ARHGAP15: variants seen among roughly 807,000 people sequenced by gnomAD.
ARHGAP15 encodes the protein rho GTPase-activating protein 15.
A neutral mutation model predicts 63.7 loss-of-function variants in ARHGAP15; 51 were observed. The ratio of observed to expected loss-of-function variants is 0.80; its 90% CI spans 0.64 to 1.01. ARHGAP15 has a LOEUF of 1.01. ARHGAP15 is among the 50% of genes least tolerant of loss of function. The pLI, the probability that ARHGAP15 is intolerant of heterozygous loss-of-function variation, is 0.00. For missense variants in ARHGAP15, 560 were observed against 564.6 expected, an observed-to-expected ratio of 0.99 and a Z score of 0.08; for synonymous variants, 191 against 193.8, an observed-to-expected ratio of 0.99 and a Z score of 0.12.
intron 12 of ARHGAP15, among the ~76,000 whole-genome samples, chr2:143,702,203 G>A (rs924129539): frequency 2.0e-5 from 3 of 152,186 alleles, no homozygotes; most frequent in African/African-American, 7.2e-5. Context: ...AGTGCATGAG[G>A]TGTTTAAGTT....
intron 6 of ARHGAP15, among the ~76,000 whole-genome samples, chr2:143,308,653 T>TTCCCCA (rs1574249475): frequency 3.3e-5 from 5 of 152,188 alleles, no homozygotes; most frequent in East Asian, 3.9e-4. Flanking sequence ...TGTCATGAAA[T>TTCCCCA]GCTGGGGAAT....
intron 11 of ARHGAP15, among the ~76,000 whole-genome samples, chr2:143,594,311 A>G (rs914508733): frequency 1.3e-5 from 2 of 152,204 alleles, no homozygotes; most frequent in African/African-American, 2.4e-5. Flanking sequence ...GTCAGGTGCA[A>G]TGGGGACATT....
At position 143,659,513 on chromosome 2, in the gene ARHGAP15, T is replaced by C. The variant is rs184006075; in HGVS notation, c.1138+35246T>C. 2.2e-3 allele frequency among the ~76,000 whole-genome samples: 339 copies of C among 152,338 alleles called. 2 individuals are homozygous for C. Among genetic ancestry groups the C allele is most frequent in the Non-Finnish European group, 3.0e-3 (204 of 68,030 alleles). Reference sequence around the variant, plus strand: ...CTTTCATGCCCTGGCTGGGTAGTGATTTCCTGGGTCAGCCAGTCTGATAGC... The same window carrying C: ...CTTTCATGCCCTGGCTGGGTAGTGACTTCCTGGGTCAGCCAGTCTGATAGC... On this transcript the variant is annotated intron_variant, in intron 12 of 13. Coordinates refer to ENST00000295095, the MANE Select transcript of ARHGAP15 (RefSeq NM_018460.4).
At chr2:143,461,306 A>AAAAAAAAAT (rs397986108) in intron 8 of ARHGAP15, among the ~76,000 whole-genome samples, 1 of 149,388 alleles carries the variant, frequency 6.7e-6, no homozygotes, top group Admixed American at 6.7e-5. Flanking sequence ...AAAAAAAAAA[A>AAAAAAAAAT]CAGAACTCAA....
intron 6 of ARHGAP15, among the ~76,000 whole-genome samples, chr2:143,416,713 C>A (rs888839961): frequency 9.9e-5 from 15 of 152,080 alleles, no homozygotes; most frequent in African/African-American, 3.4e-4. Flanking sequence ...ATTGTTCTCA[C>A]GGGCACAGCA....
At chr2:143,757,441 G>A (rs548149601) in intron 13 of ARHGAP15, among the ~76,000 whole-genome samples, 7 of 152,228 alleles carry the variant, frequency 4.6e-5, no homozygotes, top group African/African-American at 1.4e-4. Context: ...AACTTGGCAG[G>A]TGGAGATTTC....
chr2:143,705,317 C>T (rs999688027), intron 13 of ARHGAP15, among the ~76,000 whole-genome samples: 11 of 152,188 alleles, frequency 7.2e-5, no homozygotes, highest in South Asian at 2.1e-4. Context: ...ATACTGGCTA[C>T]GGTGAGAAAT....
chr2:143,542,198 G>A (rs1422482967), intron 10 of ARHGAP15, among the ~76,000 whole-genome samples: 2 of 152,198 alleles, frequency 1.3e-5, no homozygotes, highest in Admixed American at 6.5e-5. Flanking sequence ...ATAATCTGCT[G>A]GTGTGTCGTT....
At chr2:143,720,935 G>A (rs1464646765) in intron 13 of ARHGAP15, among the ~76,000 whole-genome samples, 2 of 151,944 alleles carry the variant, frequency 1.3e-5, no homozygotes, top group East Asian at 3.9e-4. Flanking sequence ...CAGGCGTGGT[G>A]GCGGGCGCCT....
chr2:143,238,111 A>G (rs1008983562), intron 5 of ARHGAP15: 2 of 152,174 alleles, frequency 1.3e-5, no homozygotes, highest in African/African-American at 4.8e-5. Flanking sequence ...AATCTAGGCA[A>G]TACCATTCAG....
At chr2:143,198,123 C>T (rs139102678) in intron 2 of ARHGAP15, among the ~76,000 whole-genome samples, 6 of 151,892 alleles carry the variant, frequency 4.0e-5, no homozygotes, top group East Asian at 3.9e-4. Flanking sequence ...GTTTACACTT[C>T]GATACTTATA....
intron 8 of ARHGAP15, among the ~76,000 whole-genome samples, chr2:143,448,802 CAACTG>C (rs1431171370): frequency 2.0e-5 from 3 of 151,822 alleles, no homozygotes; most frequent in Non-Finnish European, 4.4e-5. Context: ...AACCCCAAAC[CAACTG>C]AACTGAATCT....
chr2:143,445,932 G>T (rs1690116907), intron 8 of ARHGAP15, among the ~76,000 whole-genome samples: 1 of 151,902 alleles, frequency 6.6e-6, no homozygotes, highest in Non-Finnish European at 1.5e-5. Flanking sequence ...TTTCTCTAGT[G>T]TCAGCTTATT....
chr2:143,436,655 A>G (rs559884243), intron 7 of ARHGAP15, among the ~76,000 whole-genome samples: 2 of 152,330 alleles, frequency 1.3e-5, no homozygotes, highest in South Asian at 4.1e-4. Flanking sequence ...AATAAGGATA[A>G]TAATAATACC....
At chr2:143,189,170 A>G (rs1249149551) in intron 2 of ARHGAP15, among the ~76,000 whole-genome samples, 1 of 152,188 alleles carries the variant, frequency 6.6e-6, no homozygotes, top group South Asian at 2.1e-4. Context: ...AGTCAGTTTT[A>G]GAAGAGTCCA....
chr2:143,558,582 G>A (rs899961775), intron 11 of ARHGAP15, among the ~76,000 whole-genome samples: 4 of 152,146 alleles, frequency 2.6e-5, no homozygotes, highest in Admixed American at 1.3e-4. Context: ...TAGGATACTG[G>A]CTGAAATGTC....
At chr2:143,499,229 G>A (rs1559011647) in intron 9 of ARHGAP15, among the ~76,000 whole-genome samples, 1 of 152,210 alleles carries the variant, frequency 6.6e-6, no homozygotes, top group African/African-American at 2.4e-5. Flanking sequence ...TGTGTTTGAT[G>A]TATGGTTTAC....
chr2:143,178,227 ACT>A (rs1284857373), intron 2 of ARHGAP15, among the ~76,000 whole-genome samples: 3 of 152,126 alleles, frequency 2.0e-5, no homozygotes, highest in African/African-American at 7.2e-5. Flanking sequence ...CCTCCACAAA[ACT>A]CTAAGTTTCT....
chr2:143,586,373 A>T (rs746314112), intron 11 of ARHGAP15, among the ~76,000 whole-genome samples: 7 of 151,724 alleles, frequency 4.6e-5, no homozygotes, highest in South Asian at 2.1e-4. Context: ...CATTTGCTCT[A>T]TTCTCTTCTT....
Sources: gnomAD v4.1 joint callset for allele counts (sites outside exome capture counted in the v4.1 genomes callset) on GRCh38, gnomAD v4.1.1 for gene constraint, MANE v1.5 for transcripts, NCBI Gene and HGNC (gene_info 2026-07-23, HGNC 2026-07-21) for gene names.